Variants in NXPH1 observed in about 807,000 individuals in gnomAD.
NXPH1 encodes the protein neurexophilin 1, also known as neurexophilin-1.
A neutral mutation model predicts 23.7 loss-of-function variants in NXPH1; 5 were observed. That is an observed-to-expected ratio of 0.21 (90% CI 0.11 to 0.44). The LOEUF is 0.44. Among genes scored for constraint, NXPH1 ranks in the 20% least tolerant of loss-of-function variants. NXPH1 has a pLI of 0.99. For synonymous variants in NXPH1, 144 were observed against 122.2 expected (o/e 1.18, Z -1.18); for missense variants, 324 against 321.6 (o/e 1.01, Z -0.06).
intron 2 of NXPH1, among the ~76,000 whole-genome samples, chr7:8,558,659 G>A (rs1818397783): frequency 6.6e-6 from 1 of 151,496 alleles, no homozygotes; most frequent in Non-Finnish European, 1.5e-5. Context: ...TCACCTATGA[G>A]CCCAACCTTT....
At chr7:8,730,688 C>A (rs1165300335) in intron 2 of NXPH1, among the ~76,000 whole-genome samples, 1 of 152,118 alleles carries the variant, frequency 6.6e-6, no homozygotes, top group South Asian at 2.1e-4. Flanking sequence ...TTCTGGCTTG[C>A]GGAGTTTCTG....
At chr7:8,580,175 G>C (rs140260240) in intron 2 of NXPH1, among the ~76,000 whole-genome samples, 37 of 152,316 alleles carry the variant, frequency 2.4e-4, no homozygotes, top group Middle Eastern at 6.8e-3. Flanking sequence ...TTCCATGTAA[G>C]AGAACAGAAG....
At chr7:8,491,592 G>T (rs1440752166) in intron 2 of NXPH1, among the ~76,000 whole-genome samples, 1 of 151,978 alleles carries the variant, frequency 6.6e-6, no homozygotes, top group Non-Finnish European at 1.5e-5. Context: ...AGTTAGTGTG[G>T]CTCATAAGCC....
intron 2 of NXPH1, among the ~76,000 whole-genome samples, chr7:8,596,982 G>A (rs777165699): frequency 3.9e-5 from 6 of 152,050 alleles, no homozygotes; most frequent in Non-Finnish European, 7.4e-5. Context: ...ATCTTGGTAT[G>A]GGAAGAAAGG....
intron 2 of NXPH1, among the ~76,000 whole-genome samples, chr7:8,503,119 G>T (rs187944636): frequency 6.6e-6 from 1 of 152,024 alleles, no homozygotes; most frequent in African/African-American, 2.4e-5. Flanking sequence ...GAAGGGCCCC[G>T]ATCTATTTGT....
chr7:8,632,953 T>G (rs1185424171), intron 2 of NXPH1, among the ~76,000 whole-genome samples: 1 of 152,226 alleles, frequency 6.6e-6, no homozygotes, highest in Non-Finnish European at 1.5e-5. Context: ...TTACATCACT[T>G]CAGCCACAAG....
chr7:8,501,441 C>T (rs1488868937), intron 2 of NXPH1, among the ~76,000 whole-genome samples: 1 of 151,986 alleles, frequency 6.6e-6, no homozygotes, highest in Non-Finnish European at 1.5e-5. Flanking sequence ...ATGTGGATTC[C>T]TGGGTCCATT....
At chr7:8,671,924 T>A (rs999095148) in intron 2 of NXPH1, among the ~76,000 whole-genome samples, 2 of 152,214 alleles carry the variant, frequency 1.3e-5, no homozygotes, top group African/African-American at 2.4e-5. Context: ...TTCATATCCT[T>A]TGCCCACTTT....
chr7:8,631,558 T>C (rs1284212508), intron 2 of NXPH1, among the ~76,000 whole-genome samples: 2 of 69,138 alleles, frequency 2.9e-5, no homozygotes, highest in Non-Finnish European at 2.9e-5. Flanking sequence ...ATCTATAAGG[T>C]TTTTTTTTCT....
chr7:8,675,340 C>T (rs1290223888), intron 2 of NXPH1, among the ~76,000 whole-genome samples: 1 of 151,592 alleles, frequency 6.6e-6, no homozygotes, highest in Non-Finnish European at 1.5e-5. Flanking sequence ...TTTCAATATT[C>T]TAATTTTTAG....
chr7:8,545,002 T>C (rs893209362), intron 2 of NXPH1, among the ~76,000 whole-genome samples: 3 of 151,620 alleles, frequency 2.0e-5, no homozygotes, highest in Admixed American at 2.0e-4. Flanking sequence ...TCTACTCATC[T>C]TTGCTGCAGT....
intron 2 of NXPH1, among the ~76,000 whole-genome samples, chr7:8,705,071 C>T (rs907404518): frequency 2.6e-5 from 4 of 152,146 alleles, no homozygotes; most frequent in African/African-American, 9.6e-5. Context: ...TACTGCAGTC[C>T]ACTAGTCAAA....
intron 2 of NXPH1, among the ~76,000 whole-genome samples, chr7:8,544,013 A>G (rs1223640772): frequency 6.6e-6 from 1 of 151,560 alleles, no homozygotes; most frequent in African/African-American, 2.4e-5. Context: ...TCATACAGTT[A>G]ATTAGAAAGA....
intron 2 of NXPH1, among the ~76,000 whole-genome samples, chr7:8,606,084 T>C (rs376106860): frequency 2.0e-5 from 3 of 152,248 alleles, no homozygotes; most frequent in South Asian, 2.1e-4. Flanking sequence ...TGGGTAGCAA[T>C]GACCTACAAT....
At chr7:8,486,515 A>G (rs1339447091) in intron 2 of NXPH1, among the ~76,000 whole-genome samples, 1 of 152,206 alleles carries the variant, frequency 6.6e-6, no homozygotes, top group Non-Finnish European at 1.5e-5. Flanking sequence ...CTTCTGCCAC[A>G]GACCTGCTGT....
chr7:8,466,651 C>A (rs1816790810), intron 2 of NXPH1, among the ~76,000 whole-genome samples: 1 of 152,054 alleles, frequency 6.6e-6, no homozygotes, highest in South Asian at 2.1e-4. Context: ...TGGGGAAAAT[C>A]CTTTCATCTG....
intron 2 of NXPH1, among the ~76,000 whole-genome samples, chr7:8,564,802 A>G (rs1584235556): frequency 6.6e-6 from 1 of 151,920 alleles, no homozygotes; most frequent in East Asian, 2.0e-4. Flanking sequence ...AAGAATATGC[A>G]CTCTGTGCTT....
chr7:8,607,681 G>A (rs1749829023), intron 2 of NXPH1, among the ~76,000 whole-genome samples: 1 of 152,144 alleles, frequency 6.6e-6, no homozygotes, highest in Admixed American at 6.6e-5. Context: ...GTGGGAATAT[G>A]TTGCTAGACC....
rs1165681130 is a variant in NXPH1, at chr7:8,710,782, C to A, written c.55-40226C>A. ...GGTTCACGCCATTCTCCTGCCTCAG[C>A]CTCCCCAGTAGCTGGGACTACAGGC... On this transcript the variant is annotated intron_variant, in intron 2 of 2. Coordinates refer to ENST00000405863, the MANE Select transcript of NXPH1 (RefSeq NM_152745.3). Among the ~76,000 whole-genome samples the A allele has an allele frequency of 7.3e-5, 10 of 137,766 alleles. 2 individuals are homozygous for A. The highest frequency in any genetic ancestry group is 4.9e-4 in the Admixed American group (7 of 14,164). The allele number at this position is 137,766 out of a possible 152,430, so 90.4% of individuals were successfully genotyped here. A position where few individuals can be genotyped will look rare whatever the true frequency, so the allele number is the denominator to read the frequency against.
Sources: allele counts gnomAD v4.1 joint callset (sites outside exome capture counted in the v4.1 genomes callset), GRCh38; gene constraint gnomAD v4.1.1; transcripts MANE v1.5; gene names NCBI Gene and HGNC (gene_info 2026-07-23, HGNC 2026-07-21).